The following ARHGAP11B variants were observed in gnomAD, a reference collection of about 807,000 sequenced individuals.
ARHGAP11B encodes the protein Rho GTPase activating protein 11B.
A neutral mutation model predicts 27.6 loss-of-function variants in ARHGAP11B; 14 were observed. The observed-to-expected ratio is 0.51, with a 90% CI of 0.34 to 0.79. The LOEUF (loss-of-function observed/expected upper bound fraction) is 0.79, where lower values mean the gene tolerates loss of function less well. ARHGAP11B is among the 30% of genes least tolerant of loss of function. The pLI is 0.02. For synonymous variants in ARHGAP11B, 82 were observed against 114.1 expected, an observed-to-expected ratio of 0.72 and a Z score of 1.80; for missense variants, 245 against 320.1, an observed-to-expected ratio of 0.77 and a Z score of 1.79.
intron 7 of ARHGAP11B, among the ~76,000 whole-genome samples, chr15:30,639,648 C>A (rs1305558314): frequency 1.3e-5 from 2 of 151,988 alleles, no homozygotes; most frequent in East Asian, 1.9e-4. Context: ...GTGATTCTTA[C>A]ACCAAATGCT....
At chr15:30,628,330 C>T (rs1206206397) in intron 1 of ARHGAP11B, among the ~76,000 whole-genome samples, 6 of 151,922 alleles carry the variant, frequency 3.9e-5, no homozygotes, top group African/African-American at 1.5e-4. Context: ...ATCCGCCCGC[C>T]TCGGCCTCCC....
rs147493568 is a variant in ARHGAP11B at position 30,627,820 on chromosome 15, G to A, written c.129+871G>A. Among the ~76,000 whole-genome samples, 8 of 151,832 alleles carry A rather than the reference G, an allele frequency of 5.3e-5. No homozygotes were observed. In the East Asian group the frequency reaches 1.6e-3, roughly 29 times the overall value. ...ATATACGTTGCTTTTAATAGTTTAT[G>A]GTTTCTAAAAAAAAGTGCTTGGAGA... On this transcript the variant is annotated intron_variant, in intron 1 of 10. Transcript: ENST00000428041.
chr15:30,644,892 A>G (rs1317969408), intron 8 of ARHGAP11B, among the ~76,000 whole-genome samples: 1 of 151,864 alleles, frequency 6.6e-6, no homozygotes, highest in Non-Finnish European at 1.5e-5. Context: ...AGCTGTTGAC[A>G]TGAGTCTGGG....
chr15:30,637,561 C>T (rs2060287977), intron 6 of ARHGAP11B, among the ~76,000 whole-genome samples: 1 of 152,018 alleles, frequency 6.6e-6, no homozygotes, highest in South Asian at 2.1e-4. Context: ...AGTGAAACCC[C>T]GTCTCTACTA....
chr15:30,637,522 C>G (rs1053879177), intron 6 of ARHGAP11B, among the ~76,000 whole-genome samples: 2 of 152,066 alleles, frequency 1.3e-5, no homozygotes, highest in African/African-American at 4.8e-5. Flanking sequence ...ATCATGAGGT[C>G]AGGAGATCGA....
At chr15:30,632,477 C>G (rs1224507433) in intron 2 of ARHGAP11B, among the ~76,000 whole-genome samples, 1 of 151,704 alleles carries the variant, frequency 6.6e-6, no homozygotes, top group East Asian at 1.9e-4. Flanking sequence ...GTCATATTCC[C>G]AGGAATCATG....
chr15:30,642,204 T>A (rs1322421126), intron 7 of ARHGAP11B, among the ~76,000 whole-genome samples: 1 of 151,988 alleles, frequency 6.6e-6, no homozygotes, highest in African/African-American at 2.4e-5. Context: ...TGTGAATTCT[T>A]TATTAATAAC....
At position 30,648,405 on chromosome 15, in the gene ARHGAP11B, T is replaced by C. The variant is rs529886391; in HGVS notation, c.*473T>C. ...CCAAATGATTATCTTTTTCTCATTCTCTGTTTCCTGGGGAGGGTGAGTGGA... is the reference window on the plus strand; with the variant it reads ...CCAAATGATTATCTTTTTCTCATTCCCTGTTTCCTGGGGAGGGTGAGTGGA... On this transcript the variant is annotated 3_prime_UTR_variant, in exon 11 of 11. Coordinates refer to ENST00000428041, the Ensembl canonical transcript of ARHGAP11B. Among the ~76,000 whole-genome samples the C allele has an allele frequency of 3.9e-5, 6 of 152,112 alleles. No homozygotes were observed. In the East Asian group the frequency reaches 1.2e-3, roughly 30 times the overall value.
chr15:30,626,649 G>T (rs1173356425), exon 1 of ARHGAP11B: 1 of 859,928 alleles, frequency 1.2e-6, no homozygotes. Context: ...TGTGAGTGAG[G>T]ATCAAGGAAA....
chr15:30,640,217 C>T (rs374098423), intron 7 of ARHGAP11B, among the ~76,000 whole-genome samples: 24,987 of 103,834 alleles, frequency 0.24, 854 homozygotes, highest in African/African-American at 0.28. Context: ...CAAGTGGGAG[C>T]GTTACTATTG....
chr15:30,639,529 C>G (rs1258098437), intron 7 of ARHGAP11B, among the ~76,000 whole-genome samples: 2 of 151,690 alleles, frequency 1.3e-5, no homozygotes, highest in African/African-American at 2.4e-5. Flanking sequence ...TAAGTAATAG[C>G]TTTATAAGAA....
intron 9 of ARHGAP11B, among the ~76,000 whole-genome samples, chr15:30,647,040 C>G (rs2060353973): frequency 6.6e-6 from 1 of 151,890 alleles, no homozygotes; most frequent in African/African-American, 2.4e-5. Flanking sequence ...AATGAACTGC[C>G]CATGTGGAAT....
At chr15:30,638,888 A>G (rs1465195725) in intron 7 of ARHGAP11B, 78 bp downstream of exon 7, 3 of 823,890 alleles carry the variant, frequency 3.6e-6, no homozygotes, top group African/African-American at 1.8e-5. Context: ...TACAATTACA[A>G]TAATAATTGC....
chr15:30,647,305 G>A (rs577848519), intron 9 of ARHGAP11B, among the ~76,000 whole-genome samples: 1 of 152,036 alleles, frequency 6.6e-6, no homozygotes, highest in East Asian at 1.9e-4. Flanking sequence ...AATTACGGTG[G>A]TTCAGAGGTG....
intron 6 of ARHGAP11B, among the ~76,000 whole-genome samples, chr15:30,638,130 A>G (rs2060293060): frequency 6.7e-6 from 1 of 149,124 alleles, no homozygotes; most frequent in South Asian, 2.1e-4. Flanking sequence ...CAAGGCTTAC[A>G]TTTTAAATGT....
At chr15:30,644,113 AACT>A (rs1445202615) in intron 7 of ARHGAP11B, among the ~76,000 whole-genome samples, 2 of 151,748 alleles carry the variant, frequency 1.3e-5, no homozygotes, top group Admixed American at 1.3e-4. Context: ...GTATTCTCTA[AACT>A]ACTATTTACA....
intron 1 of ARHGAP11B, among the ~76,000 whole-genome samples, chr15:30,629,842 CAT>C (rs1230758408): frequency 6.6e-5 from 10 of 152,050 alleles, no homozygotes; most frequent in Non-Finnish European, 1.2e-4. Flanking sequence ...ACTAAATTAA[CAT>C]GTGAGATTAT....
At chr15:30,630,874 G>C in intron 2 of ARHGAP11B, 101 bp downstream of exon 2, 1 of 1,593,702 alleles carries the variant, frequency 6.3e-7, no homozygotes, top group Non-Finnish European at 8.5e-7. Flanking sequence ...GAGTCCGGGA[G>C]CTTAAGACCA....
intron 7 of ARHGAP11B, among the ~76,000 whole-genome samples, chr15:30,644,073 G>T (rs1376891921): frequency 6.6e-6 from 1 of 151,648 alleles, no homozygotes; most frequent in African/African-American, 2.4e-5. Context: ...TGTAAACCCA[G>T]TGCCAACTAT....
Sources: allele counts gnomAD v4.1 joint callset (sites outside exome capture counted in the v4.1 genomes callset), GRCh38; gene constraint gnomAD v4.1.1; transcripts MANE v1.5; gene names NCBI Gene and HGNC (gene_info 2026-07-23, HGNC 2026-07-21).